The following CADM2 variants were observed in gnomAD, a reference collection of about 807,000 sequenced individuals.
The protein encoded by CADM2 is immunoglobulin superfamily member 4D.
A neutral mutation model predicts 49.8 loss-of-function variants in CADM2; 12 were observed. The observed-to-expected ratio is 0.24, with a 90% CI of 0.15 to 0.39. The LOEUF is 0.39. Among genes scored for constraint, CADM2 ranks in the 10% least tolerant of loss-of-function variants. The pLI, the probability that CADM2 is intolerant of heterozygous loss-of-function variation, is 1.00. For synonymous variants in CADM2, 214 were observed against 175.4 expected (o/e 1.22, Z -1.74); for missense variants, 378 against 492.3 (o/e 0.77, Z 2.20).
intron 1 of CADM2, among the ~76,000 whole-genome samples, chr3:85,375,908 T>C (rs1240573541): frequency 6.6e-6 from 1 of 152,146 alleles, no homozygotes; most frequent in Non-Finnish European, 1.5e-5. Flanking sequence ...TAATCCCTTG[T>C]TATTGTTTAC....
At position 86,018,694 on chromosome 3, in the gene CADM2, CA is replaced by C. The variant is rs1732675586; in HGVS notation, c.971-46910del. Among the ~76,000 whole-genome samples, 7 of 152,156 alleles carry C rather than the reference CA, an allele frequency of 4.6e-5. No individual in the cohort carries two copies. The South Asian group carries it at 1.5e-3, about 32-fold the overall frequency. On this transcript the variant is annotated intron_variant, in intron 8 of 9. Transcript: ENST00000383699. Reference sequence around the variant, plus strand: ...TGTCTTCTTTTGAGAAGTGTCTGTTCATGTCCTTCGCCCACTTTTTGATGGG... The same window carrying C: ...TGTCTTCTTTTGAGAAGTGTCTGTTCTGTCCTTCGCCCACTTTTTGATGGG...
chr3:85,008,711 GTGA>G (rs1274185104), intron 1 of CADM2, among the ~76,000 whole-genome samples: 1 of 151,994 alleles, frequency 6.6e-6, no homozygotes. Context: ...TCAGATACAT[GTGA>G]TGATATAAGA....
chr3:85,164,621 A>G (rs1275293942), intron 1 of CADM2, among the ~76,000 whole-genome samples: 2 of 152,066 alleles, frequency 1.3e-5, no homozygotes, highest in Non-Finnish European at 2.9e-5. Context: ...AGACTTGCTC[A>G]GAATGCAATC....
At chr3:85,449,052 A>AATAATAAT (rs2037616655) in intron 1 of CADM2, among the ~76,000 whole-genome samples, 2 of 107,406 alleles carry the variant, frequency 1.9e-5, no homozygotes, top group Admixed American at 1.1e-4. Flanking sequence ...TCCAACTCAA[A>AATAATAAT]AATAATAATA....
At chr3:85,848,076 T>C (rs1456072739) in intron 3 of CADM2, among the ~76,000 whole-genome samples, 6 of 152,180 alleles carry the variant, frequency 3.9e-5, no homozygotes, top group Admixed American at 2.0e-4. Flanking sequence ...TTAATTAATG[T>C]TGATTGTTTC....
chr3:86,068,057 G>A lies in CADM2; in HGVS notation c.*1274G>A, dbSNP rs1739514765. ...GTTCCAGAGCTGCTTACCTATGTTG[G>A]TTTGCCAAAAAGAAGTGTTTAAGAT... is the stretch of plus-strand genomic sequence containing the variant. On this transcript the variant is annotated 3_prime_UTR_variant, in exon 10 of 10. Coordinates refer to ENST00000383699, the MANE Select transcript of CADM2 (RefSeq NM_001167675.2). 6.6e-6 allele frequency: 1 copy of A among 152,220 alleles called. No homozygotes were observed. The highest frequency in any genetic ancestry group is 2.1e-4 in the South Asian group (1 of 4,824). The allele number at this position is 152,220 out of a possible 1,614,324, so 9.4% of individuals were successfully genotyped here. A position where few individuals can be genotyped will look rare whatever the true frequency, so the allele number is the denominator to read the frequency against.
At chr3:85,772,039 T>A (rs1290182806) in intron 2 of CADM2, among the ~76,000 whole-genome samples, 1 of 145,108 alleles carries the variant, frequency 6.9e-6, no homozygotes, top group African/African-American at 2.6e-5. Context: ...GGTACGTGTA[T>A]AAAATGTATT....
At chr3:85,537,592 G>A (rs1237085519) in intron 1 of CADM2, among the ~76,000 whole-genome samples, 1 of 151,896 alleles carries the variant, frequency 6.6e-6, no homozygotes, top group South Asian at 2.1e-4. Context: ...AAACTGTTTG[G>A]TGATTGTAGA....
intron 1 of CADM2, among the ~76,000 whole-genome samples, chr3:85,074,142 GCTA>G (rs1559646924): frequency 6.6e-6 from 1 of 151,964 alleles, no homozygotes; most frequent in Non-Finnish European, 1.5e-5. Context: ...CTCATTTTCT[GCTA>G]CTCCTTCCCA....
intron 1 of CADM2, among the ~76,000 whole-genome samples, chr3:85,695,359 A>G (rs560426101): frequency 1.3e-5 from 2 of 151,872 alleles, no homozygotes; most frequent in East Asian, 3.9e-4. Flanking sequence ...TGAGTCTCCA[A>G]TGTCCATTAT....
At chr3:85,437,522 A>C (rs1463388021) in intron 1 of CADM2, among the ~76,000 whole-genome samples, 1 of 152,104 alleles carries the variant, frequency 6.6e-6, no homozygotes, top group Non-Finnish European at 1.5e-5. Flanking sequence ...TTGGTGTTTC[A>C]GTGGTCTGGA....
chr3:85,070,150 T>A (rs1266240847), intron 1 of CADM2, among the ~76,000 whole-genome samples: 1 of 152,278 alleles, frequency 6.6e-6, no homozygotes, highest in Non-Finnish European at 1.5e-5. Context: ...ATTTTTTCAT[T>A]ATACATCCTA....
At chr3:85,335,089 C>T (rs973954907) in intron 1 of CADM2, among the ~76,000 whole-genome samples, 1 of 151,300 alleles carries the variant, frequency 6.6e-6, no homozygotes, top group African/African-American at 2.4e-5. Context: ...TAAAATGCTA[C>T]AAACATGTTC....
intron 8 of CADM2, among the ~76,000 whole-genome samples, chr3:86,048,032 A>G (rs569604936): frequency 6.6e-6 from 1 of 152,178 alleles, no homozygotes; most frequent in African/African-American, 2.4e-5. Flanking sequence ...GAAAACATGT[A>G]TCAAAGATGA....
At chr3:85,403,833 A>T (rs1186156815) in intron 1 of CADM2, among the ~76,000 whole-genome samples, 1 of 152,132 alleles carries the variant, frequency 6.6e-6, no homozygotes, top group Non-Finnish European at 1.5e-5. Flanking sequence ...AAGAGTGCTG[A>T]GGACAATGGC....
chr3:85,577,399 C>G (rs977711291), intron 1 of CADM2, among the ~76,000 whole-genome samples: 12 of 152,062 alleles, frequency 7.9e-5, no homozygotes, highest in Non-Finnish European at 1.6e-4. Context: ...ATTATAAAAG[C>G]AAGTTAGGCC....
chr3:86,045,331 A>G (rs944534206), intron 8 of CADM2, among the ~76,000 whole-genome samples: 1 of 152,162 alleles, frequency 6.6e-6, no homozygotes, highest in Non-Finnish European at 1.5e-5. Flanking sequence ...GATTTGTTCT[A>G]TCAGTCTTCC....
chr3:85,200,952 G>A (rs2041483095), intron 1 of CADM2, among the ~76,000 whole-genome samples: 1 of 152,022 alleles, frequency 6.6e-6, no homozygotes, highest in Admixed American at 6.6e-5. Context: ...TAATACAAAT[G>A]TGTGTGCTCT....
chr3:85,033,301 A>G (rs932724444), intron 1 of CADM2, among the ~76,000 whole-genome samples: 2 of 152,200 alleles, frequency 1.3e-5, no homozygotes, highest in African/African-American at 2.4e-5. Context: ...TTTACTCCCA[A>G]GGTGCTCACT....
Sources: gnomAD v4.1 joint callset for allele counts (sites outside exome capture counted in the v4.1 genomes callset) on GRCh38, gnomAD v4.1.1 for gene constraint, MANE v1.5 for transcripts, NCBI Gene and HGNC (gene_info 2026-07-23, HGNC 2026-07-21) for gene names.